The following UGGT1 variants were observed in gnomAD, a reference collection of about 807,000 sequenced individuals.
UGGT1 encodes the protein UDP-glucose glycoprotein glucosyltransferase 1.
Under a neutral mutation model 203.9 loss-of-function variants are expected in UGGT1, and 107 were observed. That is an observed-to-expected ratio of 0.52 (90% confidence interval 0.45 to 0.62). The LOEUF is 0.62. UGGT1 is among the 20% of genes least tolerant of loss of function. UGGT1 has a pLI of 0.00. For synonymous variants in UGGT1, 628 were observed against 653.5 expected (o/e 0.96, Z 0.59); for missense variants, 1,673 against 1,867.2 (o/e 0.90, Z 1.92).
chr2:128,145,832 A>T lies in UGGT1; in HGVS notation c.1881A>T (p.Gly627=). 1 of 1,610,216 alleles carries T rather than the reference A, an allele frequency of 6.2e-7. No individual in the cohort carries two copies. Among genetic ancestry groups the T allele is most frequent in the Non-Finnish European group, 8.5e-7 (1 of 1,177,430 alleles). ...CAAGAGGCTACTATGAGCAGACTGG[A>T]GTTGGACCTCTGCCCGTTGTGCTGT... ...KEARGYYEQT[G]VGPLPVVLFN... Residue 627 remains glycine (G), a synonymous_variant, in exon 18 of 41, where the codon GGA becomes GGT. Coordinates refer to ENST00000259253, the MANE Select transcript of UGGT1 (RefSeq NM_020120.4).
intron 11 of UGGT1, among the ~76,000 whole-genome samples, chr2:128,126,758 C>CTGCA (rs58213956): frequency 0.9 from 133,422 of 148,926 alleles, 60,626 homozygotes; most frequent in Non-Finnish European, 0.98. Context: ...TCTCGGCTCA[C>CTGCA]TGCAGCCTCT....
At chr2:128,107,614 G>A (rs945028243) in intron 3 of UGGT1, among the ~76,000 whole-genome samples, 11 of 152,206 alleles carry the variant, frequency 7.2e-5, no homozygotes, top group Admixed American at 1.3e-4. Context: ...TTGAAGCATG[G>A]GGTAGGGATT....
chr2:128,155,451 C>A, intron 19 of UGGT1, 38 bp from the exon 20 acceptor site: 1 of 1,455,874 alleles, frequency 6.9e-7, no homozygotes, highest in Non-Finnish European at 9.6e-7. Context: ...ATAGATTGAA[C>A]TGGAACTAAT....
chr2:128,143,168 G>T lies in UGGT1; in HGVS notation c.1794G>T (p.Pro598=), dbSNP rs548464056. 1.2e-6 allele frequency: 2 copies of T among 1,613,900 alleles called. No individual in the cohort carries two copies. Among genetic ancestry groups the T allele is most frequent in the African/African-American group, 1.3e-5 (1 of 75,034 alleles). ...TCAGTGTCCTGGAGAAGAAATATCC[G>T]TATGTAGAAGTGAATAGCATTTTGG... ...HVVSVLEKKY[P]YVEVNSILGI... is the part of the protein sequence containing the mutation. The change falls in exon 17 of 41, where the codon CCG becomes CCT. Residue 598 remains proline, a synonymous_variant. Transcript: ENST00000259253.
chr2:128,165,310 A>G (rs949372663), intron 26 of UGGT1, among the ~76,000 whole-genome samples: 1 of 152,186 alleles, frequency 6.6e-6, no homozygotes, highest in African/African-American at 2.4e-5. Context: ...ATGTTGTCCC[A>G]GCTACTCTGG....
At chr2:128,173,522 AGCCACGAT>A (rs1254698841) in intron 29 of UGGT1, among the ~76,000 whole-genome samples, 1 of 152,114 alleles carries the variant, frequency 6.6e-6, no homozygotes, top group African/African-American at 2.4e-5. Context: ...CCACCACTAT[AGCCACGAT>A]GCAGAACATT....
intron 7 of UGGT1, 31 bp from the exon 8 acceptor site, chr2:128,116,234 T>A: frequency 7.1e-7 from 1 of 1,402,778 alleles, no homozygotes; most frequent in Non-Finnish European, 1.0e-6. Context: ...TGAGCAATTA[T>A]TAATAATATG....
intron 14 of UGGT1, 25 bp from the exon 15 acceptor site, chr2:128,134,851 G>C (rs1313580847): frequency 1.9e-6 from 3 of 1,598,266 alleles, no homozygotes; most frequent in Non-Finnish European, 2.6e-6. Flanking sequence ...GTCATTTCAT[G>C]TGTTCTTTTC....
chr2:128,107,868 T>G, intron 3 of UGGT1, 70 bp from the exon 4 acceptor site: 1 of 1,597,284 alleles, frequency 6.3e-7, no homozygotes, highest in Non-Finnish European at 8.5e-7. Flanking sequence ...AGCTTTGTGC[T>G]TCATGAACTA....
intron 18 of UGGT1, chr2:128,151,230 C>G: frequency 1.7e-6 from 1 of 595,132 alleles, no homozygotes; most frequent in Admixed American, 2.2e-5. Flanking sequence ...GTTTCTTCTG[C>G]TCCTCTTTTT....
chr2:128,133,829 T>C (rs764636008), intron 14 of UGGT1, among the ~76,000 whole-genome samples: 5 of 152,178 alleles, frequency 3.3e-5, no homozygotes, highest in Non-Finnish European at 5.9e-5. Context: ...ATATGGTTGT[T>C]TGCCAACTCC....
At position 128,113,256 on chromosome 2, in the gene UGGT1, T is replaced by C; in HGVS notation, c.694T>C (p.Phe232Leu). 6.3e-7 allele frequency: 1 copy of C among 1,592,996 alleles called. No individual in the cohort carries two copies. Among genetic ancestry groups the C allele is most frequent in the Non-Finnish European group, 8.6e-7 (1 of 1,167,796 alleles). The change falls in exon 6 of 41, where the codon TTT (phenylalanine) becomes CTT (leucine). Residue 232 changes from phenylalanine to leucine, a missense_variant and splice_region_variant. Physicochemically the swap from Phe to Leu is conservative, Grantham distance 22 (BLOSUM62 0). Around this residue, in one of 4 missense-constraint regions of UGGT1, gnomAD observed 1,073 missense variants for 1,078.7 expected, o/e 0.99. Coordinates refer to ENST00000259253, the MANE Select transcript of UGGT1 (RefSeq NM_020120.4). ...KINYVFRHYI[F>L]NPRKEPVYLS... is the part of the protein sequence containing the mutation. ...CAATTATGTATTCAGACATTATATA[T>C]TTGTAAGTATTGACTTATTTTACAC...
chr2:128,152,514 T>G (rs1690021399), intron 18 of UGGT1, among the ~76,000 whole-genome samples: 1 of 152,194 alleles, frequency 6.6e-6, no homozygotes, highest in Non-Finnish European at 1.5e-5. Flanking sequence ...AGTAAGTTAT[T>G]TAACCTTTCT....
chr2:128,145,996 AAAGAG>A (rs1278601545), intron 18 of UGGT1, 29 bp downstream of exon 18: 2 of 1,613,028 alleles, frequency 1.2e-6, no homozygotes, highest in Admixed American at 1.7e-5. Flanking sequence ...CTGATTTTTT[AAAGAG>A]AACAGTTGGC....
At chr2:128,154,844 A>T (rs1447025979) in intron 19 of UGGT1, among the ~76,000 whole-genome samples, 3 of 152,160 alleles carry the variant, frequency 2.0e-5, no homozygotes, top group Non-Finnish European at 4.4e-5. Flanking sequence ...ATTGTTAGAG[A>T]CAGAGAGTTT....
At chr2:128,176,971 C>T (rs1212868074) in intron 32 of UGGT1, 73 bp downstream of exon 32, 5 of 1,408,788 alleles carry the variant, frequency 3.5e-6, no homozygotes, top group Non-Finnish European at 5.0e-6. Flanking sequence ...TTGGAACCAG[C>T]CCAAGAGTCT....
intron 2 of UGGT1, among the ~76,000 whole-genome samples, chr2:128,101,508 A>G (rs11675183): frequency 0.17 from 26,148 of 152,210 alleles, 2,669 homozygotes; most frequent in South Asian, 0.32. Context: ...AATATTATAT[A>G]AGGAGGTATT....
chr2:128,107,806 A>T, intron 3 of UGGT1, 132 bp from the exon 4 acceptor site: 1 of 1,211,842 alleles, frequency 8.3e-7, no homozygotes. Context: ...ATTTGTTGAG[A>T]GTTCAAGACA....
intron 15 of UGGT1, among the ~76,000 whole-genome samples, chr2:128,135,426 T>C (rs7577655): frequency 0.59 from 89,859 of 152,056 alleles, 26,825 homozygotes; most frequent in East Asian, 0.66. Flanking sequence ...TTCCACTGTC[T>C]TTTTAAGAAC....
Sources: allele counts gnomAD v4.1 joint callset (sites outside exome capture counted in the v4.1 genomes callset), GRCh38; gene constraint gnomAD v4.1.1; regional missense constraint gnomAD v4.1.1; transcripts MANE v1.5; gene names NCBI Gene and HGNC (gene_info 2026-07-23, HGNC 2026-07-21).